EIF2B3: variants seen among roughly 807,000 people sequenced by gnomAD.
EIF2B3 encodes the protein eukaryotic translation initiation factor 2B subunit gamma.
In EIF2B3, 20 loss-of-function variants were observed where a neutral mutation model predicts 54.1. The ratio of observed to expected loss-of-function variants is 0.37; its 90% CI spans 0.26 to 0.54. The LOEUF (loss-of-function observed/expected upper bound fraction) is 0.54. EIF2B3 is among the 20% of genes least tolerant of loss of function. EIF2B3 has a pLI of 0.86. For synonymous variants in EIF2B3, 153 were observed against 188.1 expected (o/e 0.81, Z 1.52); for missense variants, 448 against 547.8 (o/e 0.82, Z 1.82).
intron 11 of EIF2B3, among the ~76,000 whole-genome samples, chr1:44,855,227 TG>T (rs1246206671): frequency 1.3e-5 from 2 of 152,118 alleles, no homozygotes; most frequent in African/African-American, 4.8e-5. Flanking sequence ...GTGGTGGGGT[TG>T]TCCAGTTTAG....
At chr1:44,857,139 T>C (rs939612381) in intron 11 of EIF2B3, among the ~76,000 whole-genome samples, 1 of 152,174 alleles carries the variant, frequency 6.6e-6, no homozygotes, top group Non-Finnish European at 1.5e-5. Flanking sequence ...GATCTATTGA[T>C]ATGTTTTCAA....
At chr1:44,885,293 T>G (rs2148907875) in intron 6 of EIF2B3, among the ~76,000 whole-genome samples, 1 of 152,270 alleles carries the variant, frequency 6.6e-6, no homozygotes, top group African/African-American at 2.4e-5. Flanking sequence ...AAGAATATTC[T>G]TAATAAACAG....
At position 44,883,126 on chromosome 1, in the gene EIF2B3, G is replaced by A. The variant is rs545651686; in HGVS notation, c.657-1387C>T. 5.0e-3 allele frequency among the ~76,000 whole-genome samples: 749 copies of A among 150,830 alleles called. 3 individuals carry two copies. The highest frequency in any genetic ancestry group is 8.0e-3 in the Non-Finnish European group (539 of 67,650). On this transcript the variant is annotated intron_variant, in intron 6 of 11. Coordinates refer to ENST00000360403, the MANE Select transcript of EIF2B3 (RefSeq NM_020365.5). The stretch of plus-strand genomic sequence containing the variant: ...GTATTTTGAGTAGAGATGGTGTCTC[G>A]TCATGTTGACCATCCTGAGGTCAGG...
intron 3 of EIF2B3, among the ~76,000 whole-genome samples, chr1:44,952,556 ATT>A (rs34153088): frequency 3.7e-4 from 52 of 141,512 alleles, no homozygotes; most frequent in African/African-American, 4.5e-4. Context: ...CTTTTCTCCA[ATT>A]TTTTTTTTTT....
At chr1:44,897,228 G>T (rs1267432368) in intron 6 of EIF2B3, 127 bp downstream of exon 6, 2 of 705,426 alleles carry the variant, frequency 2.8e-6, no homozygotes, top group South Asian at 3.2e-5. Context: ...ACAAAAATGA[G>T]AACTAACTGT....
chr1:44,985,264 A>G (rs1350328642), intron 1 of EIF2B3, among the ~76,000 whole-genome samples: 1 of 152,156 alleles, frequency 6.6e-6, no homozygotes, highest in African/African-American at 2.4e-5. Flanking sequence ...TCTTGTGTCT[A>G]GTAATCACCT....
intron 1 of EIF2B3, among the ~76,000 whole-genome samples, chr1:44,984,218 G>A (rs562604457): frequency 2.0e-5 from 3 of 151,908 alleles, no homozygotes; most frequent in East Asian, 3.9e-4. Flanking sequence ...CCAAAAGAGC[G>A]CCAGGCACAG....
chr1:44,867,822 T>A (rs7526786), intron 10 of EIF2B3, among the ~76,000 whole-genome samples: 64,375 of 148,180 alleles, frequency 0.43, 14,716 homozygotes, highest in African/African-American at 0.59. Context: ...TTTTTATTTT[T>A]AAAAAAAGAA....
chr1:44,930,098 T>G (rs1392277967), intron 4 of EIF2B3, among the ~76,000 whole-genome samples: 1 of 152,220 alleles, frequency 6.6e-6, no homozygotes, highest in Non-Finnish European at 1.5e-5. Flanking sequence ...CCCTAGTTGA[T>G]TTTTACTTTT....
intron 10 of EIF2B3, among the ~76,000 whole-genome samples, chr1:44,872,761 C>T: frequency 6.6e-6 from 1 of 152,198 alleles, no homozygotes; most frequent in East Asian, 1.9e-4. Flanking sequence ...CCTTTCCTGA[C>T]CCTTTCCTCC....
intron 3 of EIF2B3, among the ~76,000 whole-genome samples, chr1:44,942,414 TA>T (rs1434002714): frequency 0.022 from 397 of 17,684 alleles, 8 homozygotes; most frequent in Non-Finnish European, 0.034. Context: ...TATATATATA[TA>T]TATTTTTTTT....
chr1:44,850,862 T>C lies in EIF2B3; in HGVS notation c.*89A>G. The C allele has an allele frequency of 1.4e-6, 2 of 1,470,580 alleles. No individual in the cohort carries two copies. Among genetic ancestry groups the C allele is most frequent in the South Asian group, 1.1e-5 (1 of 87,914 alleles). The allele number at this position is 1,470,580 out of a possible 1,614,324, so 91.1% of individuals were successfully genotyped here. On this transcript the variant is annotated 3_prime_UTR_variant, in exon 12 of 12. Coordinates refer to ENST00000360403, the MANE Select transcript of EIF2B3 (RefSeq NM_020365.5). Reference sequence around the variant, plus strand: ...GCATGCCTTTGGAAGCCCTTCTTTATTGGGAAATAAATACAGAGTTAAACA... The same window carrying C: ...GCATGCCTTTGGAAGCCCTTCTTTACTGGGAAATAAATACAGAGTTAAACA...
intron 5 of EIF2B3, among the ~76,000 whole-genome samples, chr1:44,906,858 C>A (rs1165418421): frequency 6.6e-6 from 1 of 152,170 alleles, no homozygotes; most frequent in South Asian, 2.1e-4. Context: ...ATAGTCCTAT[C>A]CTCTGAACAC....
intron 3 of EIF2B3, among the ~76,000 whole-genome samples, chr1:44,956,801 C>T (rs1180456993): frequency 6.6e-6 from 1 of 152,014 alleles, no homozygotes; most frequent in African/African-American, 2.4e-5. Context: ...ATACCGTACA[C>T]AAGACAAACA....
chr1:44,969,169 C>T (rs78923130), intron 3 of EIF2B3, among the ~76,000 whole-genome samples: 1,621 of 152,254 alleles, frequency 0.011, 32 homozygotes, highest in African/African-American at 0.037. Context: ...TGGAAGAACA[C>T]ACCACTGCCT....
intron 10 of EIF2B3, among the ~76,000 whole-genome samples, chr1:44,858,978 G>A (rs1188298543): frequency 6.6e-6 from 1 of 152,102 alleles, no homozygotes; most frequent in Non-Finnish European, 1.5e-5. Flanking sequence ...AGCGCCACTT[G>A]CTCACAGCAT....
At chr1:44,903,228 AT>A (rs925270369) in intron 5 of EIF2B3, among the ~76,000 whole-genome samples, 19 of 152,364 alleles carry the variant, frequency 1.2e-4, no homozygotes, top group Middle Eastern at 3.4e-3. Flanking sequence ...AAAGAAGGAA[AT>A]ATGTCCATGA....
At chr1:44,907,877 C>T (rs974496603) in intron 5 of EIF2B3, among the ~76,000 whole-genome samples, 4 of 115,408 alleles carry the variant, frequency 3.5e-5, no homozygotes, top group South Asian at 2.6e-4. Flanking sequence ...GCAACAAGAG[C>T]GAAACTCCAT....
intron 5 of EIF2B3, among the ~76,000 whole-genome samples, chr1:44,900,433 C>T (rs1026259131): frequency 5.3e-5 from 6 of 113,866 alleles, no homozygotes; most frequent in Middle Eastern, 8.3e-3. Flanking sequence ...GGCAACAGAG[C>T]GAGAATCATC....
Sources: allele counts gnomAD v4.1 joint callset (sites outside exome capture counted in the v4.1 genomes callset), GRCh38; gene constraint gnomAD v4.1.1; transcripts MANE v1.5; gene names NCBI Gene and HGNC (gene_info 2026-07-23, HGNC 2026-07-21).